ABCB4: variants seen among roughly 807,000 people sequenced by gnomAD.
The protein encoded by ABCB4 is ATP binding cassette subfamily B member 4, also known as phosphatidylcholine translocator ABCB4.
ABCB4 carries 76 observed loss-of-function variants against 145.7 expected under a neutral mutation model. That is an observed-to-expected ratio of 0.52 (90% CI 0.43 to 0.63). The LOEUF (loss-of-function observed/expected upper bound fraction) is 0.63, where lower values mean the gene tolerates loss of function less well. ABCB4 is among the 30% of genes least tolerant of loss of function. ABCB4 has a pLI of 0.00. For missense variants in ABCB4, 1,234 were observed against 1,553.1 expected, an observed-to-expected ratio of 0.79 and a Z score of 3.45; for synonymous variants, 517 against 566.8, an observed-to-expected ratio of 0.91 and a Z score of 1.25.
the ABCB4 span, among the ~76,000 whole-genome samples, chr7:87,379,013 C>T: frequency 2.0e-5 from 3 of 152,150 alleles, no homozygotes; most frequent in African/African-American, 7.2e-5. Context: ...CAGAATAGTT[C>T]TTGTTAATTG....
At position 87,411,925 on chromosome 7, in the gene ABCB4, CA is replaced by C; in HGVS notation, c.2891del (p.Val964GlyfsTer24). Reference sequence around the variant, plus strand: ...CATCTCTGAAGCGCATATGTCCATTCACAATGAGATATGCACCAAATCGAAA... The same window carrying C: ...CATCTCTGAAGCGCATATGTCCATTCCAATGAGATATGCACCAAATCGAAA... ...GCFRFGAYLI[V>X]NGHMRFRDVI... On this transcript the variant is annotated frameshift_variant, in exon 23 of 28. Coordinates refer to ENST00000649586, the MANE Select transcript of ABCB4 (RefSeq NM_000443.4). LOFTEE classifies it high-confidence loss of function. 1 of 1,613,688 alleles carries C rather than the reference CA, an allele frequency of 6.2e-7. No individual in the cohort carries two copies. The highest frequency in any genetic ancestry group is 8.5e-7 in the Non-Finnish European group (1 of 1,179,680).
At chr7:87,464,012 A>G (rs933105014) in intron 3 of ABCB4, among the ~76,000 whole-genome samples, 4 of 151,406 alleles carry the variant, frequency 2.6e-5, no homozygotes, top group Non-Finnish European at 4.4e-5. Flanking sequence ...ATAGCTTCCT[A>G]TCTTTTTTTT....
chr7:87,462,479 T>A (rs1812526518), intron 4 of ABCB4, among the ~76,000 whole-genome samples: 1 of 152,238 alleles, frequency 6.6e-6, no homozygotes, highest in Non-Finnish European at 1.5e-5. Context: ...ACATTTCCAC[T>A]GTTCTCAAGT....
At chr7:87,443,509 T>C (rs117428396) in intron 11 of ABCB4, 65 bp from the exon 12 acceptor site, 2 of 1,606,110 alleles carry the variant, frequency 1.2e-6, no homozygotes, top group East Asian at 2.2e-5. Context: ...AATAATTCGA[T>C]TCAGTTTGAA....
chr7:87,466,802 C>G (rs1025787678), intron 3 of ABCB4, among the ~76,000 whole-genome samples: 8 of 152,096 alleles, frequency 5.3e-5, no homozygotes, highest in African/African-American at 1.9e-4. Flanking sequence ...CCAAACTAAG[C>G]TTCATAAGCG....
chr7:87,457,553 C>G (rs1464176805), intron 4 of ABCB4, among the ~76,000 whole-genome samples: 1 of 152,204 alleles, frequency 6.6e-6, no homozygotes, highest in East Asian at 1.9e-4. Flanking sequence ...TATAACCTAT[C>G]CATTTTACAG....
the ABCB4 span, chr7:87,369,622 C>T: frequency 4.6e-6 from 1 of 217,870 alleles, no homozygotes; most frequent in Non-Finnish European, 7.7e-6. Flanking sequence ...AAAAAAAAAT[C>T]TATTTGTATT....
intron 14 of ABCB4, among the ~76,000 whole-genome samples, chr7:87,439,243 C>T (rs1016437201): frequency 6.6e-6 from 1 of 152,114 alleles, no homozygotes; most frequent in Non-Finnish European, 1.5e-5. Context: ...CAGAAAAGCA[C>T]CTGGTCACCT....
chr7:87,465,369 G>A (rs1278256102), intron 3 of ABCB4, among the ~76,000 whole-genome samples: 1 of 152,128 alleles, frequency 6.6e-6, no homozygotes, highest in East Asian at 1.9e-4. Flanking sequence ...GGTAAACAAA[G>A]CGGCCAGGAA....
At chr7:87,386,980 T>G in the ABCB4 span, among the ~76,000 whole-genome samples, 1 of 152,076 alleles carries the variant, frequency 6.6e-6, no homozygotes, top group East Asian at 1.9e-4. Context: ...TGATCTCACT[T>G]CTTTCAGTGT....
intron 14 of ABCB4, among the ~76,000 whole-genome samples, chr7:87,434,687 G>A (rs31673): frequency 6.6e-6 from 1 of 152,190 alleles, no homozygotes; most frequent in African/African-American, 2.4e-5. Context: ...AGCGGAGGTT[G>A]CAGTGAGCCA....
At chr7:87,463,859 T>G (rs928827751) in intron 3 of ABCB4, among the ~76,000 whole-genome samples, 1 of 152,216 alleles carries the variant, frequency 6.6e-6, no homozygotes, top group Non-Finnish European at 1.5e-5. Context: ...CAAAGGACTT[T>G]GTTACTGTCT....
intron 14 of ABCB4, among the ~76,000 whole-genome samples, chr7:87,435,839 T>C (rs942267663): frequency 6.6e-6 from 1 of 152,182 alleles, no homozygotes; most frequent in Non-Finnish European, 1.5e-5. Flanking sequence ...ACATGTGACA[T>C]TGGCTTTGGG....
At position 87,408,107 on chromosome 7, in the gene ABCB4, C is replaced by A; in HGVS notation, c.3209G>T (p.Ser1070Ile). ...CACCGTGCTCTTCCCACAGCCACTG[C>A]TGCCCACCAGGGCTAGTGTCTGGCC... ...KKGQTLALVGSSGCGKSTVVQ... is the reference protein window; with the variant it reads ...KKGQTLALVGISGCGKSTVVQ... Residue 1070 changes from serine (S) to isoleucine (I), a missense_variant, in exon 25 of 28, where the codon AGC becomes ATC. Coordinates refer to ENST00000649586, the MANE Select transcript of ABCB4 (RefSeq NM_000443.4). 6.2e-7 allele frequency: 1 copy of A among 1,614,260 alleles called. No individual in the cohort carries two copies. Among genetic ancestry groups the A allele is most frequent in the South Asian group, 1.1e-5 (1 of 91,088 alleles).
intron 1 of ABCB4, 30 bp downstream of exon 1, chr7:87,475,604 C>G (rs1374852481): frequency 1.1e-5 from 9 of 830,292 alleles, no homozygotes; most frequent in Non-Finnish European, 1.8e-5. Flanking sequence ...GGTCTCCCTT[C>G]GAGGCCAGAC....
intron 18 of ABCB4, among the ~76,000 whole-genome samples, chr7:87,421,052 C>A (rs1490933096): frequency 6.6e-6 from 1 of 152,188 alleles, no homozygotes; most frequent in Non-Finnish European, 1.5e-5. Context: ...GATTGGGGAA[C>A]AATCAGGGTA....
At chr7:87,456,594 T>G (rs1812114373) in intron 4 of ABCB4, among the ~76,000 whole-genome samples, 1 of 152,184 alleles carries the variant, frequency 6.6e-6, no homozygotes, top group Non-Finnish European at 1.5e-5. Flanking sequence ...GGTACCATAC[T>G]TTTACAGCCT....
In ABCB4 at chr7:87,402,049, T is replaced by TG; in HGVS notation, c.*46dup. 1 of 1,602,054 alleles carries TG rather than the reference T, an allele frequency of 6.2e-7. No individual in the cohort carries two copies. The highest frequency in any genetic ancestry group is 1.7e-4 in the Middle Eastern group (1 of 6,036). On this transcript the variant is annotated 3_prime_UTR_variant, in exon 28 of 28. Transcript: ENST00000649586. ...AACTTATTTTACAAGTCAGATAAAATGGTAGAATAATTTGAATTTATTTTT... is the reference window on the plus strand; with the variant it reads ...AACTTATTTTACAAGTCAGATAAAATGGGTAGAATAATTTGAATTTATTTTT...
At chr7:87,413,190 T>C (rs1462321221) in intron 22 of ABCB4, among the ~76,000 whole-genome samples, 1 of 152,238 alleles carries the variant, frequency 6.6e-6, no homozygotes, top group Non-Finnish European at 1.5e-5. Flanking sequence ...AGGTTGGATC[T>C]GGTCCTCATT....
Sources: allele counts gnomAD v4.1 joint callset (sites outside exome capture counted in the v4.1 genomes callset), GRCh38; gene constraint gnomAD v4.1.1; transcripts MANE v1.5; gene names NCBI Gene and HGNC (gene_info 2026-07-23, HGNC 2026-07-21).